SMAD6: variants seen among roughly 807,000 people sequenced by gnomAD.
SMAD6 encodes SMAD family member 6.
Under a neutral mutation model 39.4 loss-of-function variants are expected in SMAD6, and 103 were observed. The observed-to-expected ratio is 2.62, with a 90% CI of 2.23 to 3.08. SMAD6 has a LOEUF of 3.08. Ranked by LOEUF, SMAD6 falls within the 30% of genes most tolerant of loss-of-function variation. The pLI is 0.00. For missense variants in SMAD6, 1,104 were observed against 742.9 expected (o/e 1.49, Z -5.65); for synonymous variants, 445 against 353.3 (o/e 1.26, Z -2.91).
At chr15:66,750,308 C>G (rs1004772441) in intron 3 of SMAD6, among the ~76,000 whole-genome samples, 5 of 152,148 alleles carry the variant, frequency 3.3e-5, no homozygotes, top group Non-Finnish European at 7.3e-5. Flanking sequence ...TATCTTAGCT[C>G]CGAGTTAGAC....
chr15:66,758,363 C>G (rs1894139451), intron 3 of SMAD6, among the ~76,000 whole-genome samples: 1 of 152,122 alleles, frequency 6.6e-6, no homozygotes. Flanking sequence ...TTTCAAAAAA[C>G]AGAACAGCAT....
chr15:66,771,961 G>T (rs945661155), intron 3 of SMAD6, among the ~76,000 whole-genome samples: 4 of 152,160 alleles, frequency 2.6e-5, no homozygotes, highest in African/African-American at 9.7e-5. Flanking sequence ...CAGCTGTTAA[G>T]GTGTGATATT....
chr15:66,743,900 ATTTAC>A (rs1893860027), intron 3 of SMAD6, among the ~76,000 whole-genome samples: 2 of 151,688 alleles, frequency 1.3e-5, no homozygotes, highest in African/African-American at 4.8e-5. Context: ...TCCATGCCAT[ATTTAC>A]TTAACCAATC....
chr15:66,744,396 GA>G lies in SMAD6; in HGVS notation c.952+27900del, dbSNP rs371709860. ...GGCGGCTTCCATGTGCCTCAAGGGG[GA>G]AGATAACACGTGTCAGGACACCTGG... is the stretch of plus-strand genomic sequence containing the variant. On this transcript the variant is annotated intron_variant, in intron 3 of 3. Transcript: ENST00000288840. 1.6e-3 allele frequency among the ~76,000 whole-genome samples: 240 copies of G among 152,300 alleles called. 4 individuals are homozygous for G. Among genetic ancestry groups the G allele is most frequent in the African/African-American group, 5.6e-3 (232 of 41,568 alleles).
chr15:66,750,371 G>A (rs562039423), intron 3 of SMAD6, among the ~76,000 whole-genome samples: 1 of 152,312 alleles, frequency 6.6e-6, no homozygotes, highest in South Asian at 2.1e-4. Context: ...TCAGAAGATT[G>A]GGACATTCCA....
chr15:66,719,746 T>C (rs1366397698), intron 3 of SMAD6, among the ~76,000 whole-genome samples: 1 of 152,026 alleles, frequency 6.6e-6, no homozygotes, highest in Non-Finnish European at 1.5e-5. Context: ...GAGGCATGAG[T>C]GGGCAGGGCG....
chr15:66,756,557 G>C (rs1314341109), intron 3 of SMAD6, among the ~76,000 whole-genome samples: 1 of 152,176 alleles, frequency 6.6e-6, no homozygotes, highest in Non-Finnish European at 1.5e-5. Context: ...TGCCAACAGT[G>C]GTGTTTACTC....
At chr15:66,730,097 C>T (rs371536929) in intron 3 of SMAD6, among the ~76,000 whole-genome samples, 28 of 152,282 alleles carry the variant, frequency 1.8e-4, no homozygotes, top group African/African-American at 6.0e-4. Context: ...GTGGGTGCCC[C>T]GCTGATGCAT....
chr15:66,753,663 A>G (rs192034984), intron 3 of SMAD6, among the ~76,000 whole-genome samples: 4 of 152,332 alleles, frequency 2.6e-5, no homozygotes, highest in Non-Finnish European at 4.4e-5. Flanking sequence ...ACGGGATCTA[A>G]TACTTGCTCC....
intron 3 of SMAD6, among the ~76,000 whole-genome samples, chr15:66,764,004 C>G (rs1430713380): frequency 2.6e-5 from 4 of 152,374 alleles, no homozygotes; most frequent in Non-Finnish European, 4.4e-5. Flanking sequence ...GACTTCCCTT[C>G]CAGATACACA....
At chr15:66,750,552 A>G (rs1893985265) in intron 3 of SMAD6, among the ~76,000 whole-genome samples, 1 of 152,150 alleles carries the variant, frequency 6.6e-6, no homozygotes, top group Non-Finnish European at 1.5e-5. Flanking sequence ...CTATGGTATG[A>G]TTTATTTGGT....
chr15:66,708,783 G>T (rs1417407975), intron 1 of SMAD6: 3 of 467,102 alleles, frequency 6.4e-6, no homozygotes, highest in South Asian at 4.7e-5. Flanking sequence ...GGTCTAGAAA[G>T]TGACTGCCAA....
chr15:66,779,128 AG>A (rs959111372), intron 3 of SMAD6, among the ~76,000 whole-genome samples: 4 of 151,674 alleles, frequency 2.6e-5, no homozygotes, highest in Non-Finnish European at 4.4e-5. Context: ...GGGGCACTGG[AG>A]TGGGGTGGCT....
In SMAD6 at chr15:66,750,509, G is replaced by T. The variant is rs139210749; in HGVS notation, c.953-30488G>T. On this transcript the variant is annotated intron_variant, in intron 3 of 3. Transcript: ENST00000288840. ...AGCAGACCCAAGCCTTGTTCTCACA[G>T]TGCTTCCCATCTTTTGAGGGACTTG... Among the ~76,000 whole-genome samples the T allele has an allele frequency of 2.6e-3, 394 of 152,326 alleles. 4 individuals carry two copies. The highest frequency in any genetic ancestry group is 9.1e-3 in the African/African-American group (377 of 41,572).
chr15:66,748,887 C>G lies in SMAD6; in HGVS notation c.953-32110C>G, dbSNP rs1453405681. Among the ~76,000 whole-genome samples the G allele has an allele frequency of 2.0e-5, 3 of 152,186 alleles. No individual in the cohort carries two copies. In the East Asian group the frequency reaches 5.8e-4, roughly 29 times the overall value. ...TGATATGAGCTGTAGATTCCTGGAT[C>G]AATCACCACCCCTGGGGACTCAGTT... On this transcript the variant is annotated intron_variant, in intron 3 of 3. Transcript: ENST00000288840.
intron 3 of SMAD6, among the ~76,000 whole-genome samples, chr15:66,757,241 G>C (rs927626824): frequency 1.3e-5 from 2 of 152,166 alleles, no homozygotes; most frequent in African/African-American, 4.8e-5. Flanking sequence ...ACTCCAATAC[G>C]CAGGGTACGG....
chr15:66,753,455 C>T (rs1894043023), intron 3 of SMAD6, among the ~76,000 whole-genome samples: 2 of 152,214 alleles, frequency 1.3e-5, no homozygotes, highest in Admixed American at 6.5e-5. Context: ...CTGTTCTGTT[C>T]CCTCCTGCCT....
chr15:66,774,516 A>G (rs867297199), intron 3 of SMAD6, among the ~76,000 whole-genome samples: 7 of 152,174 alleles, frequency 4.6e-5, no homozygotes, highest in Admixed American at 3.3e-4. Flanking sequence ...GCAGACAGCC[A>G]CCACCCTCTG....
At chr15:66,711,972 G>T (rs1419502623) in intron 2 of SMAD6, among the ~76,000 whole-genome samples, 3 of 152,192 alleles carry the variant, frequency 2.0e-5, no homozygotes, top group African/African-American at 7.2e-5. Flanking sequence ...ACCTCTCTGT[G>T]ACCTTTTTAA....
Sources: allele counts gnomAD v4.1 joint callset (sites outside exome capture counted in the v4.1 genomes callset), GRCh38; gene constraint gnomAD v4.1.1; transcripts MANE v1.5; gene names NCBI Gene and HGNC (gene_info 2026-07-23, HGNC 2026-07-21).